The following GAB3 variants were observed in gnomAD, a reference collection of about 807,000 sequenced individuals.
The protein encoded by GAB3 is GRB2 associated binding protein 3.
A neutral mutation model predicts 40.4 loss-of-function variants in GAB3; 12 were observed. That is an observed-to-expected ratio of 0.30 (90% CI 0.19 to 0.48). The LOEUF (loss-of-function observed/expected upper bound fraction) is 0.48, where lower values mean the gene tolerates loss of function less well. Among genes scored for constraint, GAB3 ranks in the 20% least tolerant of loss-of-function variants. GAB3 has a pLI of 0.99. For missense variants in GAB3, 381 were observed against 461.9 expected, an observed-to-expected ratio of 0.82 and a Z score of 1.61; for synonymous variants, 154 against 176.7, an observed-to-expected ratio of 0.87 and a Z score of 1.02.
At chrX:154,691,092 A>C (rs782196389) in intron 8 of GAB3, among the ~76,000 whole-genome samples, 28 of 110,831 alleles carry the variant, frequency 2.5e-4, no homozygotes, top group Non-Finnish European at 5.3e-4. Flanking sequence ...GCAGCCATAA[A>C]AAATGATGAG....
At chrX:154,680,889 G>A (rs187969442) in intron 8 of GAB3, among the ~76,000 whole-genome samples, 62 of 112,130 alleles carry the variant, frequency 5.5e-4, no homozygotes, top group African/African-American at 1.9e-3. Context: ...ATGCATTTTG[G>A]GCGGCTTCAG....
chrX:154,735,369 C>T (rs1209814960), intron 1 of GAB3, among the ~76,000 whole-genome samples: 7 of 111,884 alleles, frequency 6.3e-5, no homozygotes, highest in Admixed American at 2.8e-4. Context: ...ATTTACAAGT[C>T]GGAGTGAAAT....
At chrX:154,688,437 G>A (rs1389606911) in intron 8 of GAB3, among the ~76,000 whole-genome samples, 1 of 109,759 alleles carries the variant, frequency 9.1e-6, no homozygotes, top group African/African-American at 3.3e-5. Context: ...GTGCTACCAA[G>A]CCCAGCTAAT....
chrX:154,734,318 A>G (rs1557260294), intron 1 of GAB3, among the ~76,000 whole-genome samples: 1 of 113,278 alleles, frequency 8.8e-6, no homozygotes, highest in Non-Finnish European at 1.9e-5. Context: ...AGTAAGTAAT[A>G]GCCAAAGCTT....
At position 154,679,004 on chromosome X, in the gene GAB3, A is replaced by G. The variant is rs1252870319; in HGVS notation, c.1648-710T>C. On this transcript the variant is annotated intron_variant, in intron 9 of 9. Transcript: ENST00000424127. ...CAAGATCATTTTTTATTAAAAAATA[A>G]AAAACAGCCGTGGGTGATGATGTGC... The G allele has an allele frequency of 4.0e-5, 10 of 250,728 alleles. No homozygotes were observed. The East Asian group carries it at 1.1e-3, about 27-fold the overall frequency. The allele number at this position is 250,728 out of a possible 1,213,427, so 20.7% of individuals were successfully genotyped here.
intron 4 of GAB3, among the ~76,000 whole-genome samples, chrX:154,708,072 T>G (rs1557254155): frequency 1.8e-5 from 2 of 112,062 alleles, no homozygotes; most frequent in Non-Finnish European, 3.8e-5. Flanking sequence ...TACACCCACA[T>G]GTACATGGTC....
At chrX:154,701,173 G>A (rs1322674768) in intron 4 of GAB3, among the ~76,000 whole-genome samples, 1 of 111,375 alleles carries the variant, frequency 9.0e-6, no homozygotes, top group Non-Finnish European at 1.9e-5. Flanking sequence ...GTAAAGTGAA[G>A]CCAATAATAT....
chrX:154,689,711 G>T (rs12008275), intron 8 of GAB3, among the ~76,000 whole-genome samples: 2,018 of 110,666 alleles, frequency 0.018, 59 homozygotes, highest in African/African-American at 0.061. Context: ...ACTTACAAGG[G>T]ATATGAAGGA....
intron 8 of GAB3, among the ~76,000 whole-genome samples, chrX:154,694,350 G>A (rs1557250096): frequency 9.1e-6 from 1 of 110,130 alleles, no homozygotes; most frequent in African/African-American, 3.3e-5. Context: ...GTAAACAAAC[G>A]ATTCTTAGCT....
chrX:154,687,581 C>T lies in GAB3; in HGVS notation c.1531-7333G>A, dbSNP rs1162477393. On this transcript the variant is annotated intron_variant, in intron 8 of 9. Coordinates refer to ENST00000424127, the MANE Select transcript of GAB3 (RefSeq NM_001081573.3). ...CCTGGGGGGCGGAGCTTGCAGTGAG[C>T]CGAGATGGCGCCACTGCACTCCAGC... Among the ~76,000 whole-genome samples the T allele has an allele frequency of 3.0e-5, 3 of 100,476 alleles. No individual in the cohort carries two copies. The East Asian group carries it at 9.3e-4, about 31-fold the overall frequency. 87.3% of individuals were successfully genotyped at this position (100,476 alleles called of 115,157 possible). A position where few individuals can be genotyped will look rare whatever the true frequency, so the allele number is the denominator to read the frequency against.
At chrX:154,737,318 G>A (rs782410708) in intron 1 of GAB3, among the ~76,000 whole-genome samples, 2 of 111,566 alleles carry the variant, frequency 1.8e-5, no homozygotes, top group Non-Finnish European at 3.8e-5. Flanking sequence ...CCACTGCAAG[G>A]TATTTAGGGT....
Position 154,712,050 on chromosome X carries a change from C to T in GAB3, c.1069+179G>A, listed in dbSNP as rs782186997. 2.3e-4 allele frequency among the ~76,000 whole-genome samples: 26 copies of T among 112,520 alleles called. No homozygotes were observed. In the South Asian group the frequency reaches 9.6e-3, roughly 42 times the overall value. On this transcript the variant is annotated intron_variant, in intron 4 of 9. Coordinates refer to ENST00000424127, the MANE Select transcript of GAB3 (RefSeq NM_001081573.3). The stretch of plus-strand genomic sequence containing the variant: ...AGATCAGGCCAGCCTGAACAAGGGA[C>T]AAGCACATATGTACACAAGTACACA...
intron 4 of GAB3, among the ~76,000 whole-genome samples, chrX:154,710,429 C>CATTACACCAA (rs2070920835): frequency 8.9e-6 from 1 of 111,764 alleles, no homozygotes; most frequent in African/African-American, 3.3e-5. Context: ...GAGAGTGTGG[C>CATTACACCAA]ACTGGTGCAA....
intron 1 of GAB3, among the ~76,000 whole-genome samples, chrX:154,748,253 C>G (rs1195217916): frequency 2.7e-5 from 3 of 111,640 alleles, no homozygotes; most frequent in Admixed American, 9.5e-5. Flanking sequence ...GTGAACAAAG[C>G]AAATTGCAGG....
intron 1 of GAB3, among the ~76,000 whole-genome samples, chrX:154,719,805 G>T (rs184936251): frequency 8.9e-6 from 1 of 111,872 alleles, no homozygotes; most frequent in Admixed American, 9.4e-5. Flanking sequence ...TGGAAGACAT[G>T]TGACAAAGCC....
chrX:154,690,235 T>A, intron 8 of GAB3, among the ~76,000 whole-genome samples: 1 of 110,550 alleles, frequency 9.0e-6, no homozygotes, highest in Non-Finnish European at 1.9e-5. Context: ...TGAAACTGGA[T>A]CCCTTCCTTA....
upstream of GAB3, chrX:154,751,533 A>T (rs2071618348): frequency 1.3e-6 from 1 of 747,366 alleles, no homozygotes; most frequent in Non-Finnish European, 1.6e-6. Flanking sequence ...AACAAAAGCA[A>T]GACTCCTCTT....
chrX:154,702,908 A>C (rs1176376997), intron 4 of GAB3, among the ~76,000 whole-genome samples: 2 of 112,392 alleles, frequency 1.8e-5, no homozygotes, highest in Non-Finnish European at 3.8e-5. Context: ...AAAGCTCAAC[A>C]TCATTGATCA....
intron 9 of GAB3, 114 bp downstream of exon 9, chrX:154,680,018 T>A (rs1603421794): frequency 1.9e-6 from 1 of 529,172 alleles, no homozygotes; most frequent in East Asian, 3.4e-5. Context: ...TTCTTCATTA[T>A]ACATGTCTGC....
Sources: allele counts gnomAD v4.1 joint callset (sites outside exome capture counted in the v4.1 genomes callset), GRCh38; gene constraint gnomAD v4.1.1; transcripts MANE v1.5; gene names NCBI Gene and HGNC (gene_info 2026-07-23, HGNC 2026-07-21).